CFAP206: variants seen among roughly 807,000 people sequenced by gnomAD.
CFAP206 encodes cilia- and flagella-associated protein 206.
Under a neutral mutation model 65.4 loss-of-function variants are expected in CFAP206, and 53 were observed. The ratio of observed to expected loss-of-function variants is 0.81; its 90% CI spans 0.65 to 1.02. The LOEUF (loss-of-function observed/expected upper bound fraction) is 1.02. CFAP206 is among the 50% of genes least tolerant of loss of function. The probability of loss-of-function intolerance (pLI) is 0.00; values close to 1 mark genes in which losing one functional copy is unlikely to be tolerated. For missense variants in CFAP206, 663 were observed against 753.2 expected (o/e 0.88, Z 1.40); for synonymous variants, 250 against 254.4 (o/e 0.98, Z 0.17).
chr6:87,410,537 T>C, intron 2 of CFAP206, 48 bp from the exon 3 acceptor site: 2 of 1,316,428 alleles, frequency 1.5e-6, no homozygotes, highest in Non-Finnish European at 2.2e-6. Context: ...ATAAAATTGC[T>C]TAATGGATTC....
intron 11 of CFAP206, among the ~76,000 whole-genome samples, chr6:87,445,371 C>T (rs563936294): frequency 1.3e-5 from 2 of 151,998 alleles, no homozygotes; most frequent in East Asian, 3.9e-4. Context: ...CCTTGCCCCT[C>T]CAGCAAGCCC....
intron 11 of CFAP206, among the ~76,000 whole-genome samples, chr6:87,449,054 A>G (rs1334859534): frequency 6.6e-6 from 1 of 151,976 alleles, no homozygotes; most frequent in Admixed American, 6.6e-5. Context: ...TGGTATTTCT[A>G]TTTTTAGTCT....
In CFAP206 at chr6:87,439,618, G is replaced by A. The variant is rs540118665; in HGVS notation, c.1494+4565G>A. ...CATGTCTTGTTTAAGAAGTTCTTACGTATTTTGAGATCACGAAAATATTCT... is the reference window on the plus strand; with the variant it reads ...CATGTCTTGTTTAAGAAGTTCTTACATATTTTGAGATCACGAAAATATTCT... On this transcript the variant is annotated intron_variant, in intron 11 of 12. Transcript: ENST00000369562. Among the ~76,000 whole-genome samples the A allele has an allele frequency of 5.3e-5, 8 of 151,896 alleles. No individual in the cohort carries two copies. The East Asian group carries it at 5.8e-4, about 11-fold the overall frequency.
intron 7 of CFAP206, among the ~76,000 whole-genome samples, chr6:87,420,358 T>A (rs1767917433): frequency 6.6e-6 from 1 of 152,218 alleles, no homozygotes; most frequent in Non-Finnish European, 1.5e-5. Context: ...TTATATAGAA[T>A]CTTCTCATAG....
At chr6:87,432,948 A>G (rs761939766) in intron 10 of CFAP206, among the ~76,000 whole-genome samples, 2 of 152,216 alleles carry the variant, frequency 1.3e-5, no homozygotes, top group Non-Finnish European at 2.9e-5. Context: ...CATGCCTTAA[A>G]TCCCAGGGTA....
intron 11 of CFAP206, among the ~76,000 whole-genome samples, chr6:87,442,817 C>A (rs9294379): frequency 0.58 from 88,033 of 151,936 alleles, 25,700 homozygotes; most frequent in Admixed American, 0.67. Flanking sequence ...CATTCCTGGG[C>A]TCAATCCAAC....
chr6:87,415,003 C>A (rs1478425594), intron 4 of CFAP206, among the ~76,000 whole-genome samples: 1 of 151,976 alleles, frequency 6.6e-6, no homozygotes, highest in East Asian at 1.9e-4. Context: ...TAATTATTGA[C>A]CTTGTAATAG....
intron 5 of CFAP206, 35 bp from the exon 6 acceptor site, chr6:87,416,634 T>G: frequency 6.5e-7 from 1 of 1,546,742 alleles, no homozygotes; most frequent in South Asian, 1.2e-5. Flanking sequence ...TTCTATCATT[T>G]TGTTTTCCTT....
chr6:87,408,250 T>A (rs1767660276), intron 1 of CFAP206, among the ~76,000 whole-genome samples, 161 bp downstream of exon 1: 1 of 152,224 alleles, frequency 6.6e-6, no homozygotes, highest in Admixed American at 6.5e-5. Flanking sequence ...GCCGCAGAGC[T>A]GGAACAGCGG....
intron 11 of CFAP206, among the ~76,000 whole-genome samples, chr6:87,457,545 G>T (rs753017685): frequency 5.9e-5 from 9 of 152,082 alleles, no homozygotes; most frequent in African/African-American, 1.4e-4. Flanking sequence ...TTAAACAAAG[G>T]TGCCAAGAAT....
chr6:87,424,401 T>A (rs1323745585), intron 7 of CFAP206, among the ~76,000 whole-genome samples: 1 of 152,050 alleles, frequency 6.6e-6, no homozygotes, highest in East Asian at 1.9e-4. Flanking sequence ...TGCCTCAGCC[T>A]CCCGAGTAGC....
In CFAP206 at chr6:87,461,086, A is replaced by G. The variant is rs750748171; in HGVS notation, c.1559A>G (p.Asn520Ser). ...AAATGTGAAAGTAGCACACAGACGAATACACACATACTGCCACCAACGATT... is the reference window on the plus strand; with the variant it reads ...AAATGTGAAAGTAGCACACAGACGAGTACACACATACTGCCACCAACGATT... Reference protein sequence around the residue: ...ITKCESSTQTNTHILPPTIVR... With the variant: ...ITKCESSTQTSTHILPPTIVR... Residue 520 changes from asparagine to serine, a missense_variant, in exon 12 of 13, where the codon AAT becomes AGT. Asn to Ser is a conservative substitution (Grantham distance 46). Coordinates refer to ENST00000369562, the MANE Select transcript of CFAP206 (RefSeq NM_001031743.3). The G allele has an allele frequency of 2.5e-6, 4 of 1,595,166 alleles. No individual in the cohort carries two copies. In the Admixed American group the frequency reaches 5.4e-5, roughly 22 times the overall value.
At chr6:87,411,402 T>C (rs758842781) in intron 3 of CFAP206, among the ~76,000 whole-genome samples, 26 of 152,350 alleles carry the variant, frequency 1.7e-4, no homozygotes, top group Non-Finnish European at 3.7e-4. Flanking sequence ...GTCGAGTTGT[T>C]TGAGTTCCTC....
intron 11 of CFAP206, among the ~76,000 whole-genome samples, chr6:87,454,444 C>G (rs1008246356): frequency 1.1e-4 from 16 of 152,162 alleles, no homozygotes; most frequent in African/African-American, 3.9e-4. Context: ...TTTTCCTTAG[C>G]ACATGGATCA....
At chr6:87,441,656 C>A (rs1768361857) in intron 11 of CFAP206, 1 of 170,428 alleles carries the variant, frequency 5.9e-6, no homozygotes, top group African/African-American at 2.4e-5. Context: ...TTGCCAGATT[C>A]TCTGGGAAAT....
intron 11 of CFAP206, among the ~76,000 whole-genome samples, chr6:87,449,435 T>TCAA (rs1490766642): frequency 1.1e-4 from 6 of 56,470 alleles, no homozygotes; most frequent in Non-Finnish European, 2.9e-5. Context: ...AGACTCCATC[T>TCAA]CAAAAAAAAA....
chr6:87,423,854 G>A (rs546411998), intron 7 of CFAP206, among the ~76,000 whole-genome samples: 22 of 151,360 alleles, frequency 1.5e-4, no homozygotes, highest in African/African-American at 4.2e-4. Flanking sequence ...CAGGATACAC[G>A]TTACATTTAT....
At chr6:87,455,790 C>T (rs1404865206) in intron 11 of CFAP206, among the ~76,000 whole-genome samples, 1 of 152,112 alleles carries the variant, frequency 6.6e-6, no homozygotes, top group Non-Finnish European at 1.5e-5. Flanking sequence ...CACATCAAAC[C>T]TACCAAAATT....
Position 87,415,713 on chromosome 6 carries a change from T to A in CFAP206, c.311T>A (p.Val104Asp). The A allele has an allele frequency of 6.2e-7, 1 of 1,610,866 alleles. No individual in the cohort carries two copies. Among genetic ancestry groups the A allele is most frequent in the Middle Eastern group, 1.7e-4 (1 of 6,050 alleles). Residue 104 changes from valine (V) to aspartate (D), a missense_variant, in exon 5 of 13, where the codon GTC (valine) becomes GAC (aspartate). Coordinates refer to ENST00000369562, the MANE Select transcript of CFAP206 (RefSeq NM_001031743.3). ...RVEFLEEHHR[V>D]LESRLGSVTR... Reference sequence around the variant, plus strand: ...GAATTTCTCGAAGAACATCACCGGGTCCTAGAGTCTAGATTAGGCTCTGTT... The same window carrying A: ...GAATTTCTCGAAGAACATCACCGGGACCTAGAGTCTAGATTAGGCTCTGTT...
Sources: gnomAD v4.1 joint callset for allele counts (sites outside exome capture counted in the v4.1 genomes callset) on GRCh38, gnomAD v4.1.1 for gene constraint, MANE v1.5 for transcripts, NCBI Gene and HGNC (gene_info 2026-07-23, HGNC 2026-07-21) for gene names.